CORO2B: variants seen among roughly 807,000 people sequenced by gnomAD.
The protein encoded by CORO2B is coronin 2B, also known as coronin-2B.
CORO2B carries 26 observed loss-of-function variants against 58.8 expected under a neutral mutation model. The ratio of observed to expected loss-of-function variants is 0.44; its 90% CI spans 0.32 to 0.61. CORO2B has a LOEUF of 0.61. Among genes scored for constraint, CORO2B ranks in the 20% least tolerant of loss-of-function variants. The pLI, the probability that CORO2B is intolerant of heterozygous loss-of-function variation, is 0.04. For missense variants in CORO2B, 460 were observed against 645.1 expected, an observed-to-expected ratio of 0.71 and a Z score of 3.11; for synonymous variants, 242 against 253.8, an observed-to-expected ratio of 0.95 and a Z score of 0.44.
At chr15:68,664,048 A>G (rs1185524062) in intron 2 of CORO2B, among the ~76,000 whole-genome samples, 2 of 152,256 alleles carry the variant, frequency 1.3e-5, no homozygotes, top group Non-Finnish European at 2.9e-5. Context: ...TGGAACTCTC[A>G]TACTACACTG....
chr15:68,632,055 A>C, intron 1 of CORO2B: 1 of 985,464 alleles, frequency 1.0e-6, no homozygotes, highest in South Asian at 4.7e-5. Context: ...CAGGCCTCCC[A>C]GGCTCCCAGG....
At chr15:68,671,403 A>G (rs1343798778) in intron 2 of CORO2B, among the ~76,000 whole-genome samples, 38 of 152,150 alleles carry the variant, frequency 2.5e-4, no homozygotes, top group Admixed American at 2.4e-3. Flanking sequence ...CCTCACCCAC[A>G]TGGCTTACCT....
At chr15:68,657,276 G>A (rs1364190518) in intron 2 of CORO2B, among the ~76,000 whole-genome samples, 1 of 152,108 alleles carries the variant, frequency 6.6e-6, no homozygotes, top group African/African-American at 2.4e-5. Context: ...CAGCACTTTG[G>A]GAGGCCAAGG....
At chr15:68,573,957 C>G in the CORO2B span, among the ~76,000 whole-genome samples, 1 of 152,140 alleles carries the variant, frequency 6.6e-6, no homozygotes, top group African/African-American at 2.4e-5. Context: ...GAAGGGTCAG[C>G]TAGGTGCTGA....
intron 6 of CORO2B, 143 bp from the exon 7 acceptor site, chr15:68,714,416 C>A: frequency 3.0e-6 from 2 of 677,298 alleles, no homozygotes; most frequent in Non-Finnish European, 5.2e-6. Context: ...GTCAGTCTTG[C>A]CACCACCCAT....
Position 68,661,351 on chromosome 15 carries a change from T to C in CORO2B, c.216+15991T>C, listed in dbSNP as rs1595996476. On this transcript the variant is annotated intron_variant, in intron 2 of 11. Transcript: ENST00000261861. ...GAGGCTGAATTAGAAACATTGTGTT[T>C]AGGAGCAAGTTGAACTCATGGGGTT... 2.6e-5 allele frequency among the ~76,000 whole-genome samples: 4 copies of C among 152,300 alleles called. No individual in the cohort carries two copies. The South Asian group carries it at 8.3e-4, about 32-fold the overall frequency.
upstream of CORO2B, among the ~76,000 whole-genome samples, chr15:68,575,647 T>A (rs550538972): frequency 8.7e-5 from 12 of 137,348 alleles, no homozygotes; most frequent in African/African-American, 3.2e-4. Context: ...GAATACACCT[T>A]TATACTGGTG....
At chr15:68,691,126 G>A (rs1384725224) in intron 2 of CORO2B, among the ~76,000 whole-genome samples, 2 of 150,868 alleles carry the variant, frequency 1.3e-5, no homozygotes, top group African/African-American at 2.4e-5. Context: ...TCAGGAGATC[G>A]AGACCATCCT....
the CORO2B span, among the ~76,000 whole-genome samples, chr15:68,536,409 C>T: frequency 6.6e-6 from 1 of 152,164 alleles, no homozygotes; most frequent in Non-Finnish European, 1.5e-5. Context: ...GGAATCTTGG[C>T]CTAAAAAACT....
chr15:68,637,307 G>A (rs766718142), intron 1 of CORO2B, among the ~76,000 whole-genome samples: 16 of 152,202 alleles, frequency 1.1e-4, no homozygotes, highest in Non-Finnish European at 1.8e-4. Context: ...AGCCCCTCGG[G>A]ACTGTAGGCT....
chr15:68,616,184 G>T (rs1273987876), intron 1 of CORO2B, among the ~76,000 whole-genome samples: 1 of 152,110 alleles, frequency 6.6e-6, no homozygotes, highest in Non-Finnish European at 1.5e-5. Context: ...GCATAATTGG[G>T]TTGCTGTCGG....
At chr15:68,716,360 G>T (rs1479192756) in intron 8 of CORO2B, among the ~76,000 whole-genome samples, 1 of 152,224 alleles carries the variant, frequency 6.6e-6, no homozygotes, top group East Asian at 1.9e-4. Flanking sequence ...CTAATGTAAG[G>T]CTTAGAGACC....
chr15:68,714,147 A>C, intron 6 of CORO2B, 106 bp downstream of exon 6: 24 of 715,874 alleles, frequency 3.4e-5, no homozygotes, highest in Non-Finnish European at 5.2e-5. Context: ...CCAGCTTCTC[A>C]TAGCATTCCC....
chr15:68,677,034 A>G (rs946580880), intron 2 of CORO2B, among the ~76,000 whole-genome samples: 7 of 152,116 alleles, frequency 4.6e-5, no homozygotes, highest in Admixed American at 1.3e-4. Flanking sequence ...TCAGCCTCCC[A>G]AAATGCTGGG....
At chr15:68,679,309 G>C (rs1370743662) in intron 2 of CORO2B, among the ~76,000 whole-genome samples, 11 of 152,192 alleles carry the variant, frequency 7.2e-5, no homozygotes, top group Non-Finnish European at 1.5e-4. Flanking sequence ...GGGCCCTGAT[G>C]GTTCAGGTCC....
chr15:68,552,830 TG>T, the CORO2B span, among the ~76,000 whole-genome samples: 2 of 152,316 alleles, frequency 1.3e-5, no homozygotes, highest in South Asian at 4.1e-4. Context: ...ATTGGATTGC[TG>T]GGGTCACTAC....
At chr15:68,550,171 C>T in the CORO2B span, among the ~76,000 whole-genome samples, 9 of 152,094 alleles carry the variant, frequency 5.9e-5, no homozygotes, top group African/African-American at 2.2e-4. Flanking sequence ...AGGAGAAACC[C>T]GCTTGCCTGG....
intron 1 of CORO2B, 137 bp downstream of exon 1, chr15:68,579,414 G>A: frequency 2.2e-6 from 2 of 893,686 alleles, no homozygotes; most frequent in Non-Finnish European, 1.4e-6. Flanking sequence ...CTCTCTTGCT[G>A]CCGGATCCGC....
chr15:68,571,251 A>C, the CORO2B span, among the ~76,000 whole-genome samples: 1 of 152,234 alleles, frequency 6.6e-6, no homozygotes, highest in African/African-American at 2.4e-5. Context: ...TTCAGTACTC[A>C]GTACATGTAA....
Sources: allele counts gnomAD v4.1 joint callset (sites outside exome capture counted in the v4.1 genomes callset), GRCh38; gene constraint gnomAD v4.1.1; transcripts MANE v1.5; gene names NCBI Gene and HGNC (gene_info 2026-07-23, HGNC 2026-07-21).